The following TBC1D31 variants were observed in gnomAD, a reference collection of about 807,000 sequenced individuals.
TBC1D31 encodes the protein WD repeat domain 67.
In TBC1D31, 99 loss-of-function variants were observed where a neutral mutation model predicts 132.9. The ratio of observed to expected loss-of-function variants is 0.74; its 90% CI spans 0.63 to 0.88. The LOEUF (loss-of-function observed/expected upper bound fraction) is 0.88, where lower values mean the gene tolerates loss of function less well. TBC1D31 is among the 40% of genes least tolerant of loss of function. TBC1D31 has a pLI of 0.00. For missense variants in TBC1D31, 1,134 were observed against 1,256.6 expected (o/e 0.90, Z 1.48); for synonymous variants, 385 against 419.4 (o/e 0.92, Z 1.00).
intron 4 of TBC1D31, among the ~76,000 whole-genome samples, chr8:123,086,183 C>A (rs904506804): frequency 2.1e-4 from 30 of 145,204 alleles, no homozygotes; most frequent in African/African-American, 7.2e-4. Flanking sequence ...GGTTTCCACG[C>A]TGCTACCCCT....
chr8:123,154,480 A>G (rs1822937336), downstream of TBC1D31, among the ~76,000 whole-genome samples: 1 of 152,174 alleles, frequency 6.6e-6, no homozygotes, highest in Admixed American at 6.5e-5. Flanking sequence ...GGGGTAGTCC[A>G]TGTCCCCAGG....
chr8:123,082,852 G>A, intron 3 of TBC1D31, 35 bp downstream of exon 3: 1 of 1,466,512 alleles, frequency 6.8e-7, no homozygotes, highest in Admixed American at 1.7e-5. Flanking sequence ...TTGAAGCAGA[G>A]TAAAATATAA....
At position 123,072,986 on chromosome 8, in the gene TBC1D31, A is replaced by G; in HGVS notation, c.77+140A>G. On this transcript the variant is annotated intron_variant, in intron 1 of 21. Transcript: ENST00000287380. ...TGGGTTGGATGACCTGCGGTGGAAC[A>G]GATGGCTCCGGACGCCAGGGTCCGC... is the stretch of plus-strand genomic sequence containing the variant. 4.9e-6 allele frequency: 4 copies of G among 814,504 alleles called. No homozygotes were observed. In the South Asian group the frequency reaches 6.6e-5, roughly 13 times the overall value. 50.5% of individuals were successfully genotyped at this position (814,504 alleles called of 1,614,324 possible).
chr8:123,085,534 A>G (rs949327429), intron 4 of TBC1D31, among the ~76,000 whole-genome samples: 1 of 152,060 alleles, frequency 6.6e-6, no homozygotes. Context: ...TCCCAGGTTC[A>G]CACCATTCTC....
At position 123,144,722 on chromosome 8, in the gene TBC1D31, G is replaced by C. The variant is rs1422971240; in HGVS notation, c.2841G>C (p.Lys947Asn). Residue 947 changes from lysine to asparagine, a missense_variant, in exon 20 of 22, where the codon AAG (lysine) becomes AAC (asparagine). Transcript: ENST00000287380. ...TTCCATTTATTTGAATTTAGTGGAA[G>C]GAAGCTGAAGGAAAAGAGTTCCGTT... Reference protein sequence around the residue: ...AMVEEEAKKWKEAEGKEFRLR... With the variant: ...AMVEEEAKKWNEAEGKEFRLR... 3 of 1,601,796 alleles carry C rather than the reference G, an allele frequency of 1.9e-6. No homozygotes were observed.
At chr8:123,121,318 C>T (rs1395475029) in intron 11 of TBC1D31, among the ~76,000 whole-genome samples, 1 of 150,486 alleles carries the variant, frequency 6.6e-6, no homozygotes, top group East Asian at 1.9e-4. Context: ...TAATAGTTCC[C>T]TTTGCGTAGA....
In TBC1D31 at chr8:123,109,602, T is replaced by C. The variant is rs1818265818; in HGVS notation, c.1418T>C (p.Leu473Pro). The stretch of plus-strand genomic sequence containing the variant: ...AAATACCCCATCAAAAGTAGGAAGC[T>C]ACTCAGAGTATTACAGAGGTATGTT... ...QKKYPIKSRK[L>P]LRVLQRTLSA... The change falls in exon 10 of 22, where the codon CTA becomes CCA. Residue 473 changes from leucine (L) to proline (P), a missense_variant. By Grantham distance (98) the Leu-to-Pro change is moderately conservative. Coordinates refer to ENST00000287380, the MANE Select transcript of TBC1D31 (RefSeq NM_145647.4). The C allele has an allele frequency of 6.2e-7, 1 of 1,613,150 alleles. No homozygotes were observed. Among genetic ancestry groups the C allele is most frequent in the African/African-American group, 1.3e-5 (1 of 74,832 alleles).
chr8:123,133,686 G>C (rs946713444), intron 16 of TBC1D31, among the ~76,000 whole-genome samples: 3 of 152,108 alleles, frequency 2.0e-5, no homozygotes, highest in African/African-American at 7.2e-5. Flanking sequence ...TGAACCATCT[G>C]CAAGAAATTT....
chr8:123,074,675 C>T (rs1489298114), intron 1 of TBC1D31, among the ~76,000 whole-genome samples: 2 of 152,204 alleles, frequency 1.3e-5, no homozygotes, highest in African/African-American at 2.4e-5. Flanking sequence ...TCCACTAAAG[C>T]ATAGCTTATC....
chr8:123,140,244 C>G (rs1159067408), intron 17 of TBC1D31, among the ~76,000 whole-genome samples: 1 of 152,170 alleles, frequency 6.6e-6, no homozygotes, highest in Non-Finnish European at 1.5e-5. Flanking sequence ...CACCTGTAAT[C>G]CCAGCTACTT....
intron 11 of TBC1D31, among the ~76,000 whole-genome samples, chr8:123,122,330 C>T (rs933137890): frequency 6.6e-6 from 1 of 152,128 alleles, no homozygotes; most frequent in Admixed American, 6.6e-5. Context: ...GGTAAATACA[C>T]GCAATGGAAT....
intron 12 of TBC1D31, 87 bp from the exon 13 acceptor site, chr8:123,126,421 C>A: frequency 1.5e-6 from 2 of 1,300,364 alleles, no homozygotes; most frequent in Non-Finnish European, 2.1e-6. Context: ...ATTTTCATAG[C>A]TTAAATCGAA....
In TBC1D31 at chr8:123,099,585, G is replaced by A. The variant is rs183365860; in HGVS notation, c.832-1222G>A. ...TTTGCTGAAAACAGGCAGACAGTGG[G>A]GAGCCTCAGTGGGAGTGACAGGTTT... On this transcript the variant is annotated intron_variant, in intron 6 of 21. Transcript: ENST00000287380. 2.3e-3 allele frequency among the ~76,000 whole-genome samples: 346 copies of A among 152,216 alleles called. 2 individuals are homozygous for A. The highest frequency in any genetic ancestry group is 8.1e-3 in the African/African-American group (335 of 41,520).
chr8:123,133,864 C>T (rs1416173751), intron 16 of TBC1D31, among the ~76,000 whole-genome samples: 2 of 152,280 alleles, frequency 1.3e-5, no homozygotes, highest in East Asian at 3.9e-4. Context: ...GCTATCTGTT[C>T]TTCCAGTCTG....
rs554664295 is a variant in TBC1D31, at chr8:123,100,994, A to C, written c.1019A>C (p.Gln340Pro). 1 of 1,610,524 alleles carries C rather than the reference A, an allele frequency of 6.2e-7. No individual in the cohort carries two copies. The highest frequency in any genetic ancestry group is 8.5e-7 in the Non-Finnish European group (1 of 1,176,782). The change falls in exon 7 of 22, where the codon CAA (glutamine) becomes CCA (proline). Residue 340 changes from glutamine (Q) to proline (P), a missense_variant. By Grantham distance (76) the Gln-to-Pro change is moderately conservative. Transcript: ENST00000287380. The stretch of plus-strand genomic sequence containing the variant: ...ATATATTCAGTTCAGGCTTTAACAC[A>C]AGAAATAAATAAGGTATGTATGATG... ...LNIYSVQALT[Q>P]EINKPPPPLV...
chr8:123,131,363 CAAAAAAAAAAAA>C (rs59929988), intron 16 of TBC1D31, among the ~76,000 whole-genome samples: 7 of 64,914 alleles, frequency 1.1e-4, no homozygotes, highest in Non-Finnish European at 2.0e-4. Context: ...GACTCAGTCT[CAAAAAAAAAAAA>C]AAAAAAAAAA....
intron 4 of TBC1D31, among the ~76,000 whole-genome samples, chr8:123,089,165 G>A (rs1462584282): frequency 2.0e-5 from 3 of 152,000 alleles, no homozygotes; most frequent in East Asian, 1.9e-4. Context: ...TCAGATTTTC[G>A]GATCAGGGAT....
chr8:123,164,938 G>A, the TBC1D31 span, among the ~76,000 whole-genome samples: 1 of 152,180 alleles, frequency 6.6e-6, no homozygotes, highest in Non-Finnish European at 1.5e-5. Flanking sequence ...CAGTAAGCTG[G>A]ACCTCTTTCC....
intron 4 of TBC1D31, 50 bp downstream of exon 4, chr8:123,084,390 T>A: frequency 6.4e-7 from 1 of 1,550,638 alleles, no homozygotes; most frequent in South Asian, 1.1e-5. Flanking sequence ...GGCTAATTTC[T>A]TGGTCAACAG....
Sources: gnomAD v4.1 joint callset for allele counts (sites outside exome capture counted in the v4.1 genomes callset) on GRCh38, gnomAD v4.1.1 for gene constraint, MANE v1.5 for transcripts, NCBI Gene and HGNC (gene_info 2026-07-23, HGNC 2026-07-21) for gene names.